PTN: variants seen among roughly 807,000 people sequenced by gnomAD.
The protein encoded by PTN is pleiotrophin, also known as heparin affin regulatory protein.
PTN carries 18 observed loss-of-function variants against 24.1 expected under a neutral mutation model. The ratio of observed to expected loss-of-function variants is 0.75; its 90% confidence interval spans 0.52 to 1.11. The LOEUF is 1.11. Ranked by LOEUF, PTN falls within the 50% of genes least tolerant of loss-of-function variation. The pLI is 0.00. For missense variants in PTN, 163 were observed against 198.8 expected (o/e 0.82, Z 1.08); for synonymous variants, 78 against 68.6 (o/e 1.14, Z -0.67).
chr7:137,262,987 C>G (rs1809069663), intron 1 of PTN, among the ~76,000 whole-genome samples: 2 of 152,164 alleles, frequency 1.3e-5, no homozygotes, highest in Non-Finnish European at 2.9e-5. Flanking sequence ...GAGGGTCTCT[C>G]TCGTCCCTCA....
At chr7:137,322,949 A>G (rs1810189822) in intron 1 of PTN, among the ~76,000 whole-genome samples, 1 of 152,196 alleles carries the variant, frequency 6.6e-6, no homozygotes, top group African/African-American at 2.4e-5. Context: ...GCCTTTACTA[A>G]GTGCCTTTGG....
intron 1 of PTN, among the ~76,000 whole-genome samples, chr7:137,270,993 C>T (rs992932835): frequency 6.6e-6 from 1 of 152,170 alleles, no homozygotes; most frequent in Non-Finnish European, 1.5e-5. Flanking sequence ...AAGAAGGCCT[C>T]CAAGCTTTTA....
chr7:137,340,840 T>C (rs184626740), intron 1 of PTN, among the ~76,000 whole-genome samples: 9 of 152,322 alleles, frequency 5.9e-5, no homozygotes, highest in African/African-American at 2.2e-4. Flanking sequence ...GGAGGATGTT[T>C]GCACTCATCA....
At chr7:137,337,628 G>T (rs147475127) in intron 1 of PTN, among the ~76,000 whole-genome samples, 1 of 152,064 alleles carries the variant, frequency 6.6e-6, no homozygotes, top group African/African-American at 2.4e-5. Flanking sequence ...GTCTTGAATC[G>T]GCAACTATGA....
intron 1 of PTN, among the ~76,000 whole-genome samples, chr7:137,306,457 C>T (rs1203128486): frequency 2.0e-5 from 3 of 152,046 alleles, no homozygotes; most frequent in Non-Finnish European, 4.4e-5. Context: ...GCCATCCATA[C>T]TCACGAAAGG....
chr7:137,281,059 T>C (rs1313023209), intron 1 of PTN, among the ~76,000 whole-genome samples: 2 of 152,064 alleles, frequency 1.3e-5, no homozygotes, highest in East Asian at 3.9e-4. Flanking sequence ...AATCATTCAT[T>C]TAAGATAACA....
chr7:137,268,647 C>G (rs1809207932), intron 1 of PTN, among the ~76,000 whole-genome samples: 1 of 152,184 alleles, frequency 6.6e-6, no homozygotes, highest in East Asian at 1.9e-4. Flanking sequence ...TAGATAACAA[C>G]AGTTGCCAGG....
At chr7:137,239,200 G>A (rs548676935) in intron 4 of PTN, among the ~76,000 whole-genome samples, 1 of 152,254 alleles carries the variant, frequency 6.6e-6, no homozygotes, top group Admixed American at 6.5e-5. Flanking sequence ...GATCCCAAGT[G>A]AGCTCATTGT....
At chr7:137,309,206 A>C (rs1033966957) in intron 1 of PTN, among the ~76,000 whole-genome samples, 1 of 152,326 alleles carries the variant, frequency 6.6e-6, no homozygotes, top group African/African-American at 2.4e-5. Flanking sequence ...GTGCATACAA[A>C]ATTTATGTTT....
chr7:137,324,220 G>A (rs1810212304), intron 1 of PTN, among the ~76,000 whole-genome samples: 1 of 151,356 alleles, frequency 6.6e-6, no homozygotes, highest in Non-Finnish European at 1.5e-5. Flanking sequence ...AAGTAGTTCT[G>A]TGGCCTTGCT....
At chr7:137,264,438 C>G (rs998008420) in intron 1 of PTN, among the ~76,000 whole-genome samples, 4 of 152,154 alleles carry the variant, frequency 2.6e-5, no homozygotes, top group African/African-American at 9.7e-5. Context: ...CCTCATGCTT[C>G]GGCCATGAGT....
chr7:137,281,863 T>A (rs896551662), intron 1 of PTN, among the ~76,000 whole-genome samples: 1 of 152,254 alleles, frequency 6.6e-6, no homozygotes, highest in South Asian at 2.1e-4. Flanking sequence ...TTTATATCTT[T>A]TATTTTCACA....
At chr7:137,310,099 G>A (rs1441567819) in intron 1 of PTN, among the ~76,000 whole-genome samples, 1 of 152,172 alleles carries the variant, frequency 6.6e-6, no homozygotes, top group East Asian at 1.9e-4. Context: ...TGTCATATTA[G>A]CAGGCATGGA....
intron 1 of PTN, among the ~76,000 whole-genome samples, chr7:137,264,208 C>A (rs552759608): frequency 6.6e-6 from 1 of 152,186 alleles, no homozygotes; most frequent in East Asian, 1.9e-4. Context: ...TTAGAGACTG[C>A]GCTACATACC....
chr7:137,262,221 TTTGC>T (rs554356395), intron 1 of PTN, among the ~76,000 whole-genome samples: 447 of 152,284 alleles, frequency 2.9e-3, no homozygotes, highest in African/African-American at 0.01. Flanking sequence ...AGATCTTTGC[TTTGC>T]TTATTTTCAA....
chr7:137,293,266 A>C (rs1366743499), intron 1 of PTN, among the ~76,000 whole-genome samples: 1 of 152,126 alleles, frequency 6.6e-6, no homozygotes, highest in Admixed American at 6.6e-5. Context: ...CCATAAATAG[A>C]TGGAGTGAAA....
intron 1 of PTN, among the ~76,000 whole-genome samples, chr7:137,285,091 C>T (rs1809532706): frequency 6.6e-6 from 1 of 152,008 alleles, no homozygotes; most frequent in South Asian, 2.1e-4. Flanking sequence ...CATAAAAAAG[C>T]AAAGCTAATG....
rs1810575055 is a variant in PTN, at chr7:137,343,706, G to A, written c.-269C>T. The A allele has an allele frequency of 2.1e-6, 1 of 478,878 alleles. No homozygotes were observed. Among genetic ancestry groups the A allele is most frequent in the Non-Finnish European group, 4.2e-6 (1 of 238,582 alleles). The allele number at this position is 478,878 out of a possible 1,614,324, so 29.7% of individuals were successfully genotyped here. ...CCTTTGACTCAATTACGCCCTGACA[G>A]GGAGGGAACGGAAGGGAAATGGAGA... On this transcript the variant is annotated 5_prime_UTR_variant, in exon 1 of 5. Coordinates refer to ENST00000348225, the MANE Select transcript of PTN (RefSeq NM_002825.7).
intron 1 of PTN, among the ~76,000 whole-genome samples, chr7:137,312,016 T>C (rs1440314411): frequency 2.0e-5 from 3 of 152,142 alleles, no homozygotes; most frequent in Non-Finnish European, 4.4e-5. Context: ...GGTATGCCCA[T>C]ATATCATCAA....
Sources: gnomAD v4.1 joint callset for allele counts (sites outside exome capture counted in the v4.1 genomes callset) on GRCh38, gnomAD v4.1.1 for gene constraint, MANE v1.5 for transcripts, NCBI Gene and HGNC (gene_info 2026-07-23, HGNC 2026-07-21) for gene names.